The following CPNE7 variants were observed in gnomAD, a reference collection of about 807,000 sequenced individuals.
The protein encoded by CPNE7 is copine 7.
A neutral mutation model predicts 66.5 loss-of-function variants in CPNE7; 78 were observed. The ratio of observed to expected loss-of-function variants is 1.17; its 90% CI spans 0.98 to 1.42. CPNE7 has a LOEUF of 1.42. Ranked by LOEUF, CPNE7 falls within the 40% of genes most tolerant of loss-of-function variation. The pLI, the probability that CPNE7 is intolerant of heterozygous loss-of-function variation, is 0.00. For synonymous variants in CPNE7, 468 were observed against 336.7 expected (o/e 1.39, Z -4.27); for missense variants, 1,012 against 776.6 (o/e 1.30, Z -3.60).
Position 89,596,734 on chromosome 16 carries a change from C to G in CPNE7, c.*113C>G. 8.2e-7 allele frequency: 1 copy of G among 1,223,416 alleles called. No homozygotes were observed. The highest frequency in any genetic ancestry group is 1.1e-6 in the Non-Finnish European group (1 of 937,222). 75.8% of individuals were successfully genotyped at this position (1,223,416 alleles called of 1,614,324 possible). On this transcript the variant is annotated 3_prime_UTR_variant, in exon 15 of 15. Coordinates refer to ENST00000319518, the MANE Select transcript of CPNE7 (RefSeq NM_153636.3). ...CCGACCTCCCAGAAGCCTCCAGTCC[C>G]CACCAGGCCCCACTCCCAGTCCTCC...
At chr16:89,590,540 A>G (rs1231322975) in intron 11 of CPNE7, among the ~76,000 whole-genome samples, 1 of 151,708 alleles carries the variant, frequency 6.6e-6, no homozygotes, top group Admixed American at 6.6e-5. Flanking sequence ...AGAAAAAAGA[A>G]AACAACAAAA....
At chr16:89,591,288 C>T (rs1187112430) in intron 13 of CPNE7, 28 bp downstream of exon 13, 2 of 1,541,116 alleles carry the variant, frequency 1.3e-6, no homozygotes, top group Non-Finnish European at 1.7e-6. Context: ...GTGGTGCATG[C>T]TTGGTGTGGG....
chr16:89,578,419 G>A (rs770586490), intron 2 of CPNE7, among the ~76,000 whole-genome samples: 7 of 151,984 alleles, frequency 4.6e-5, no homozygotes, highest in Admixed American at 6.6e-5. Context: ...TGCATCCTGC[G>A]TTTTCACTTC....
At position 89,588,785 on chromosome 16, in the gene CPNE7, C is replaced by T. The variant is rs762940676; in HGVS notation, c.1038C>T (p.Gly346=). Residue 346 remains glycine (G), a synonymous_variant, in exon 10 of 15, where the codon GGC becomes GGT. Transcript: ENST00000319518. The part of the protein sequence containing the change: ...NEYLKALVSV[G]EICQDYDSDK... ...ACCTGAAGGCACTGGTGTCCGTGGG[C>T]GAGATCTGCCAGGACTATGACAGGT... The T allele has an allele frequency of 1.9e-5, 31 of 1,613,490 alleles. No individual in the cohort carries two copies. Among genetic ancestry groups the T allele is most frequent in the Middle Eastern group, 1.6e-4 (1 of 6,084 alleles).
chr16:89,578,985 T>G (rs1409207384), intron 2 of CPNE7: 2 of 1,600,672 alleles, frequency 1.2e-6, no homozygotes, highest in Non-Finnish European at 1.7e-6. Context: ...CGGGTCCTTC[T>G]TTTTTATTGA....
intron 2 of CPNE7, among the ~76,000 whole-genome samples, chr16:89,580,195 CACACGGAACATCCCGTCACCCGCTG>C (rs1172247145): frequency 1.9e-5 from 1 of 53,426 alleles, no homozygotes; most frequent in Non-Finnish European, 5.4e-5. Context: ...TCTCACCCGT[CACACGGAACATCCCGTCACCCGCTG>C]ACACGGAACA....
rs1237458774 is a variant in CPNE7, at chr16:89,584,779, C to T, written c.513C>T (p.Leu171=). 1.9e-6 allele frequency: 3 copies of T among 1,613,396 alleles called. No individual in the cohort carries two copies. The highest frequency in any genetic ancestry group is 2.5e-6 in the Non-Finnish European group (3 of 1,179,816). The change falls in exon 5 of 15, where the codon CTC becomes CTT. Residue 171 remains leucine, a synonymous_variant. Transcript: ENST00000319518. The surrounding 1 kb of genome is among the most constrained non-coding windows in gnomAD (Gnocchi z 6.0). ...FRARKLDDKD[L]FSKSDPFLEL... ...GCCCTTGTGCCTCTCCCCAGGACCT[C>T]TTCAGCAAGTCCGACCCCTTCCTGG...
rs1567960695 is a variant in CPNE7, at chr16:89,587,716, G to GGT, written c.927+614_927+615insGT. Reference sequence around the variant, plus strand: ...ACGCACACCCCGTGTCACCCCCATAGCACCCCCGTGTCACCCACAGATACA... The same window carrying GGT: ...ACGCACACCCCGTGTCACCCCCATAGGTCACCCCCGTGTCACCCACAGATACA... On this transcript the variant is annotated intron_variant, in intron 9 of 14. Coordinates refer to ENST00000319518, the MANE Select transcript of CPNE7 (RefSeq NM_153636.3). The GGT allele has an allele frequency of 1.4e-5, 2 of 143,620 alleles. 1 individual carries two copies. Among genetic ancestry groups the GGT allele is most frequent in the Non-Finnish European group, 3.5e-5 (2 of 57,742 alleles). The allele number at this position is 143,620 out of a possible 1,614,324, so 8.9% of individuals were successfully genotyped here.
rs865818863 is a variant in CPNE7 at position 89,587,122 on chromosome 16, C to T, written c.927+20C>T. 5 of 1,456,862 alleles carry T rather than the reference C, an allele frequency of 3.4e-6. No homozygotes were observed. Among genetic ancestry groups the T allele is most frequent in the Admixed American group, 4.0e-5 (2 of 49,760 alleles). The allele number at this position is 1,456,862 out of a possible 1,614,324, so 90.2% of individuals were successfully genotyped here. The stretch of plus-strand genomic sequence containing the variant: ...TTCACCGTGAGTCCATGGCCCCGCC[C>T]CATGCCGCCCCCTCAGTCCGTGGCC... On this transcript the variant is annotated intron_variant, in intron 9 of 14. Transcript: ENST00000319518.
intron 14 of CPNE7, among the ~76,000 whole-genome samples, chr16:89,596,255 G>C (rs893741628): frequency 5.9e-5 from 9 of 152,228 alleles, no homozygotes; most frequent in African/African-American, 2.2e-4. Flanking sequence ...CTCGCCTCCC[G>C]TGTCAGCACT....
intron 14 of CPNE7, chr16:89,595,849 G>C: frequency 1.5e-6 from 1 of 650,734 alleles, no homozygotes; most frequent in Non-Finnish European, 2.8e-6. Flanking sequence ...AGCACAAGGG[G>C]CTCCTGGGAT....
Position 89,584,867 on chromosome 16 carries a change from C to G in CPNE7, c.591+10C>G, listed in dbSNP as rs200261865. 1.9e-5 allele frequency: 31 copies of G among 1,611,754 alleles called. No individual in the cohort carries two copies. The East Asian group carries it at 4.0e-4, about 21-fold the overall frequency. On this transcript the variant is annotated intron_variant, in intron 5 of 14. Transcript: ENST00000319518. The surrounding 1 kb of genome is among the most constrained non-coding windows in gnomAD (Gnocchi z 6.0). ...GGTGTACAGGACGGAGGTGAGCGGC[C>G]GGGGATGGGAACACAGGGAGGGGAA...
At chr16:89,576,354 G>A (rs977147445) in intron 1 of CPNE7, among the ~76,000 whole-genome samples, 7 of 152,088 alleles carry the variant, frequency 4.6e-5, no homozygotes, top group Non-Finnish European at 7.4e-5. Flanking sequence ...TTCGGGGAGG[G>A]GGCCCCGGGC....
chr16:89,587,696 C>T lies in CPNE7; in HGVS notation c.927+594C>T, dbSNP rs1487393181. The T allele has an allele frequency of 5.4e-5, 19 of 355,012 alleles. 1 individual carries two copies. The highest frequency in any genetic ancestry group is 4.1e-4 in the Admixed American group (14 of 34,296). 22.0% of individuals were successfully genotyped at this position (355,012 alleles called of 1,614,324 possible). A position where few individuals can be genotyped will look rare whatever the true frequency, so the allele number is the denominator to read the frequency against. ...ACCCCGCGTCACCCATAGATACGCA[C>T]ACCCCGTGTCACCCCCATAGCACCC... On this transcript the variant is annotated intron_variant, in intron 9 of 14. Coordinates refer to ENST00000319518, the MANE Select transcript of CPNE7 (RefSeq NM_153636.3).
intron 14 of CPNE7, among the ~76,000 whole-genome samples, chr16:89,596,193 C>T (rs200990423): frequency 1.3e-5 from 2 of 152,268 alleles, no homozygotes; most frequent in East Asian, 3.8e-4. Flanking sequence ...CACACAGACA[C>T]GCTCAGGCTT....
chr16:89,581,682 C>T (rs1471975251), intron 2 of CPNE7, among the ~76,000 whole-genome samples: 3 of 152,262 alleles, frequency 2.0e-5, no homozygotes, highest in East Asian at 3.9e-4. Flanking sequence ...TCTCACTCTG[C>T]CGCCCAGGCT....
At chr16:89,583,535 G>C (rs961668449) in intron 2 of CPNE7, 162 bp from the exon 3 acceptor site, 1 of 1,573,640 alleles carries the variant, frequency 6.4e-7, no homozygotes, top group South Asian at 1.1e-5. Context: ...GCAGGTGCTT[G>C]AGAGCAGCCA....
At position 89,595,393 on chromosome 16, in the gene CPNE7, G is replaced by A. The variant is rs759247470; in HGVS notation, c.1329G>A (p.Thr443=). Reference sequence around the variant, plus strand: ...AATACTACATCCTGCTGATCCTGACGGACGGCGTGGTGACCGACATGGCCG... The same window carrying A: ...AATACTACATCCTGCTGATCCTGACAGACGGCGTGGTGACCGACATGGCCG... ...ASQYYILLIL[T]DGVVTDMADT... is the part of the protein sequence containing the mutation. The change falls in exon 14 of 15, where the codon ACG becomes ACA. Residue 443 remains threonine, a synonymous_variant. Coordinates refer to ENST00000319518, the MANE Select transcript of CPNE7 (RefSeq NM_153636.3). The A allele has an allele frequency of 1.1e-5, 17 of 1,589,110 alleles. No individual in the cohort carries two copies. The highest frequency in any genetic ancestry group is 1.7e-5 in the Admixed American group (1 of 58,936).
At chr16:89,594,462 C>G (rs1427771096) in intron 13 of CPNE7, among the ~76,000 whole-genome samples, 2 of 152,026 alleles carry the variant, frequency 1.3e-5, no homozygotes, top group African/African-American at 4.8e-5. Context: ...ACACATCTGC[C>G]CTCAGTGGGA....
Sources: gnomAD v4.1 joint callset for allele counts (sites outside exome capture counted in the v4.1 genomes callset) on GRCh38, gnomAD v4.1.1 for gene constraint, Gnocchi (gnomAD v3.1) non-coding constraint, MANE v1.5 for transcripts, NCBI Gene and HGNC (gene_info 2026-07-23, HGNC 2026-07-21) for gene names.